The following GPC5 variants were observed in gnomAD, a reference collection of about 807,000 sequenced individuals.
The protein encoded by GPC5 is glypican 5.
Under a neutral mutation model 53.9 loss-of-function variants are expected in GPC5, and 47 were observed. That is an observed-to-expected ratio of 0.87 (90% CI 0.69 to 1.11). The LOEUF (loss-of-function observed/expected upper bound fraction) is 1.11, where lower values mean the gene tolerates loss of function less well. GPC5 is among the 50% of genes most tolerant of loss of function. GPC5 has a pLI of 0.00. For synonymous variants in GPC5, 286 were observed against 263.3 expected (o/e 1.09, Z -0.84); for missense variants, 748 against 713.1 (o/e 1.05, Z -0.56).
chr13:91,839,933 ACTTG>A (rs2038765750), intron 5 of GPC5, among the ~76,000 whole-genome samples: 1 of 152,110 alleles, frequency 6.6e-6, no homozygotes, highest in Non-Finnish European at 1.5e-5. Flanking sequence ...ATGGTCTGGA[ACTTG>A]CTTTTTATAA....
intron 3 of GPC5, among the ~76,000 whole-genome samples, chr13:91,727,336 C>G (rs2036596843): frequency 6.6e-6 from 1 of 152,164 alleles, no homozygotes; most frequent in Admixed American, 6.6e-5. Context: ...TCACCCACCA[C>G]CCCCACTGGG....
At chr13:92,385,840 TGAAAA>T (rs1874690530) in intron 7 of GPC5, among the ~76,000 whole-genome samples, 1 of 148,510 alleles carries the variant, frequency 6.7e-6, no homozygotes, top group Admixed American at 6.8e-5. Flanking sequence ...TATTTTCAGA[TGAAAA>T]GAAATAAAAC....
chr13:92,082,764 T>C (rs2041306791), intron 6 of GPC5, among the ~76,000 whole-genome samples: 2 of 152,190 alleles, frequency 1.3e-5, no homozygotes, highest in South Asian at 4.1e-4. Flanking sequence ...ATCTGCCAAA[T>C]ACTTCTGATA....
intron 6 of GPC5, among the ~76,000 whole-genome samples, chr13:92,132,510 G>T (rs1426807942): frequency 6.6e-6 from 1 of 152,080 alleles, no homozygotes; most frequent in Non-Finnish European, 1.5e-5. Flanking sequence ...TGCAGGTTCT[G>T]GTGGTTTGCT....
At chr13:91,991,557 A>AT (rs567687164) in intron 6 of GPC5, among the ~76,000 whole-genome samples, 2,157 of 150,896 alleles carry the variant, frequency 0.014, 58 homozygotes, top group African/African-American at 0.048. Flanking sequence ...TAAAGGAAGA[A>AT]TTTTTTTTTT....
At chr13:92,788,060 T>C (rs1328239071) in intron 7 of GPC5, among the ~76,000 whole-genome samples, 1 of 152,066 alleles carries the variant, frequency 6.6e-6, no homozygotes, top group Non-Finnish European at 1.5e-5. Flanking sequence ...TGCTGACCAG[T>C]ATGAAACATA....
intron 7 of GPC5, among the ~76,000 whole-genome samples, chr13:92,152,352 C>T (rs191064118): frequency 6.6e-6 from 1 of 152,080 alleles, no homozygotes; most frequent in East Asian, 1.9e-4. Context: ...TCCTTAAGAC[C>T]TGAATAAAAG....
chr13:91,803,426 T>TAC (rs1281981136), intron 5 of GPC5, among the ~76,000 whole-genome samples: 2 of 152,128 alleles, frequency 1.3e-5, no homozygotes, highest in East Asian at 1.9e-4. Context: ...CATTTGATTT[T>TAC]ACACACACAC....
At chr13:91,745,624 A>C (rs769915420) in intron 4 of GPC5, among the ~76,000 whole-genome samples, 1 of 152,146 alleles carries the variant, frequency 6.6e-6, no homozygotes, top group East Asian at 1.9e-4. Context: ...AGGGGAAAAA[A>C]AAATCTGTCT....
intron 7 of GPC5, among the ~76,000 whole-genome samples, chr13:92,480,725 C>A (rs1879315773): frequency 6.8e-6 from 1 of 147,958 alleles, no homozygotes. Flanking sequence ...ACTCCCAGAC[C>A]TGTGAATTTG....
At chr13:92,788,961 G>A (rs1301993249) in intron 7 of GPC5, among the ~76,000 whole-genome samples, 1 of 152,038 alleles carries the variant, frequency 6.6e-6, no homozygotes, top group Non-Finnish European at 1.5e-5. Flanking sequence ...TAGGGTATTT[G>A]CTCAATATTT....
intron 7 of GPC5, among the ~76,000 whole-genome samples, chr13:92,613,952 G>A (rs559616547): frequency 6.6e-5 from 10 of 152,022 alleles, no homozygotes; most frequent in Non-Finnish European, 1.0e-4. Context: ...GATTTGGAAA[G>A]TACCAAGTCA....
At chr13:91,801,242 A>G (rs995677438) in intron 5 of GPC5, among the ~76,000 whole-genome samples, 4 of 130,690 alleles carry the variant, frequency 3.1e-5, no homozygotes, top group African/African-American at 1.1e-4. Flanking sequence ...ACTCCCTGTG[A>G]CATCCATACT....
chr13:92,230,814 C>T (rs1184451023), intron 7 of GPC5, among the ~76,000 whole-genome samples: 2 of 152,034 alleles, frequency 1.3e-5, no homozygotes, highest in Non-Finnish European at 2.9e-5. Flanking sequence ...ATAGCAGATT[C>T]TCAAAATTAC....
At chr13:91,905,455 A>G in intron 5 of GPC5, among the ~76,000 whole-genome samples, 1 of 152,102 alleles carries the variant, frequency 6.6e-6, no homozygotes, top group Non-Finnish European at 1.5e-5. Flanking sequence ...CATGCCTACA[A>G]AAAGAAGTGG....
intron 7 of GPC5, among the ~76,000 whole-genome samples, chr13:92,368,787 C>G (rs1003785713): frequency 1.3e-5 from 2 of 151,786 alleles, no homozygotes; most frequent in Non-Finnish European, 2.9e-5. Flanking sequence ...ATTGTATTAA[C>G]TTTATGTTCC....
intron 6 of GPC5, among the ~76,000 whole-genome samples, chr13:92,004,458 T>TATATATATATATATATA (rs1555303834): frequency 7.3e-5 from 6 of 82,486 alleles, no homozygotes; most frequent in African/African-American, 1.2e-4. Context: ...AAAAAAAAAA[T>TATATATATATATATATA]TATATATATA....
intron 6 of GPC5, among the ~76,000 whole-genome samples, chr13:91,965,722 G>A (rs1397312861): frequency 2.0e-5 from 3 of 152,166 alleles, no homozygotes; most frequent in African/African-American, 4.8e-5. Flanking sequence ...AGCTGAGCAT[G>A]TCAAAATAAT....
At chr13:92,581,103 C>A (rs1883353364) in intron 7 of GPC5, among the ~76,000 whole-genome samples, 1 of 152,064 alleles carries the variant, frequency 6.6e-6, no homozygotes, top group Non-Finnish European at 1.5e-5. Flanking sequence ...ACTCTCTTAG[C>A]AATTTTGAAA....
Sources: allele counts gnomAD v4.1 joint callset (sites outside exome capture counted in the v4.1 genomes callset), GRCh38; gene constraint gnomAD v4.1.1; transcripts MANE v1.5; gene names NCBI Gene and HGNC (gene_info 2026-07-23, HGNC 2026-07-21).